The following ZNF217 variants were observed in gnomAD, a reference collection of about 807,000 sequenced individuals.
ZNF217 encodes zinc finger protein 217.
In ZNF217, 12 loss-of-function variants were observed where a neutral mutation model predicts 73.3. The ratio of observed to expected loss-of-function variants is 0.16; its 90% CI spans 0.10 to 0.27. The LOEUF (loss-of-function observed/expected upper bound fraction) is 0.27. Ranked by LOEUF, ZNF217 falls within the 10% of genes least tolerant of loss-of-function variation. The pLI is 1.00. For missense variants in ZNF217, 1,195 were observed against 1,327.8 expected, an observed-to-expected ratio of 0.90 and a Z score of 1.55; for synonymous variants, 588 against 516.4, an observed-to-expected ratio of 1.14 and a Z score of -1.88.
chr20:53,590,870 T>C (rs1011530431), intron 1 of ZNF217, among the ~76,000 whole-genome samples: 1 of 152,190 alleles, frequency 6.6e-6, no homozygotes, highest in African/African-American at 2.4e-5. Flanking sequence ...GATGATTAAG[T>C]CTTATTTTCA....
chr20:53,588,122 T>C (rs1248704581), intron 1 of ZNF217, among the ~76,000 whole-genome samples: 2 of 152,184 alleles, frequency 1.3e-5, no homozygotes, highest in South Asian at 4.1e-4. Flanking sequence ...GTTCATAAAT[T>C]ACCAATTTTA....
upstream of ZNF217, chr20:53,597,650 G>C (rs1020361256): frequency 4.6e-5 from 7 of 151,120 alleles, no homozygotes; most frequent in African/African-American, 1.7e-4. Flanking sequence ...GAGAAGGCAG[G>C]GTCTGGAACC....
chr20:53,577,869 T>C (rs1389398250), intron 3 of ZNF217, among the ~76,000 whole-genome samples: 3 of 152,164 alleles, frequency 2.0e-5, no homozygotes, highest in Non-Finnish European at 4.4e-5. Context: ...GCCAACACTA[T>C]GGGAGGCCAA....
In ZNF217 at chr20:53,569,131, G is replaced by A; in HGVS notation, c.*157C>T. 7.5e-7 allele frequency: 1 copy of A among 1,335,874 alleles called. No homozygotes were observed. 82.8% of individuals were successfully genotyped at this position (1,335,874 alleles called of 1,614,324 possible). A position where few individuals can be genotyped will look rare whatever the true frequency, so the allele number is the denominator to read the frequency against. On this transcript the variant is annotated 3_prime_UTR_variant, in exon 6 of 6. Coordinates refer to ENST00000371471, the MANE Select transcript of ZNF217 (RefSeq NM_006526.3). Reference sequence around the variant, plus strand: ...CAGAACAACTTTACACAACTGTAGTGTTCCTTGCAGATTCCTCATATGTTT... The same window carrying A: ...CAGAACAACTTTACACAACTGTAGTATTCCTTGCAGATTCCTCATATGTTT...
Position 53,575,640 on chromosome 20 carries a change from G to A in ZNF217, c.3037+87C>T, listed in dbSNP as rs562792754. ...CTGGCTGCCTACCCCCCACCCTTGG[G>A]AGTGGTACCATCTCCACTGAGAATG... is the stretch of plus-strand genomic sequence containing the variant. On this transcript the variant is annotated intron_variant, in intron 4 of 5. Coordinates refer to ENST00000371471, the MANE Select transcript of ZNF217 (RefSeq NM_006526.3). The A allele has an allele frequency of 2.2e-4, 285 of 1,301,954 alleles. 2 individuals are homozygous for A. The African/African-American group carries it at 3.1e-3, about 14-fold the overall frequency. 80.7% of individuals were successfully genotyped at this position (1,301,954 alleles called of 1,614,324 possible).
At position 53,582,048 on chromosome 20, in the gene ZNF217, G is replaced by A. The variant is rs1222767441; in HGVS notation, c.779C>T (p.Ser260Phe). ...CAACTGCAGGAAGTCCTCCCTCGAG[G>A]ACGGCATTCCTCCTTGTGGAGAGTC... ...QTDSPQGGMP[S>F]SREDFLQLFN... Residue 260 changes from serine (S) to phenylalanine (F), a missense_variant, in exon 2 of 6, where the codon TCC (serine) becomes TTC (phenylalanine). Ser to Phe is a radical substitution (Grantham distance 155). Coordinates refer to ENST00000371471, the MANE Select transcript of ZNF217 (RefSeq NM_006526.3). The surrounding 1 kb of genome is among the most constrained non-coding windows in gnomAD (Gnocchi z 4.8). 5 of 1,614,100 alleles carry A rather than the reference G, an allele frequency of 3.1e-6. No individual in the cohort carries two copies. The highest frequency in any genetic ancestry group is 4.2e-6 in the Non-Finnish European group (5 of 1,180,056).
chr20:53,571,598 G>A, intron 5 of ZNF217, 123 bp downstream of exon 5: 1 of 1,225,402 alleles, frequency 8.2e-7, no homozygotes, highest in Non-Finnish European at 1.1e-6. Flanking sequence ...TACAGACAGG[G>A]GTTTCACCAT....
chr20:53,594,249 A>G (rs1600734903), upstream of ZNF217, among the ~76,000 whole-genome samples: 4 of 151,058 alleles, frequency 2.6e-5, no homozygotes, highest in East Asian at 5.9e-4. Flanking sequence ...GCGCTGGGGG[A>G]CTGTTGGGTC....
intron 4 of ZNF217, among the ~76,000 whole-genome samples, chr20:53,572,208 C>T (rs1462180795): frequency 6.6e-6 from 1 of 152,010 alleles, no homozygotes; most frequent in Non-Finnish European, 1.5e-5. Context: ...AGGGGATTTG[C>T]CAGCATAGGC....
Position 53,576,751 on chromosome 20 carries a change from T to C in ZNF217, c.2013A>G (p.Ala671=). The stretch of plus-strand genomic sequence containing the variant: ...CACTTGGCCTGTATCTGCAGTCAGC[T>C]GCGGTCTCCGTTTGCTTCTCTTTGG... The part of the protein sequence containing the change: ...VSPKEKQTET[A]ADCRYRPSVD... Residue 671 remains alanine (A), a synonymous_variant, in exon 4 of 6, where the codon GCA becomes GCG. Coordinates refer to ENST00000371471, the MANE Select transcript of ZNF217 (RefSeq NM_006526.3). The C allele has an allele frequency of 6.2e-7, 1 of 1,614,260 alleles. No individual in the cohort carries two copies. The highest frequency in any genetic ancestry group is 8.5e-7 in the Non-Finnish European group (1 of 1,180,038).
intron 1 of ZNF217, among the ~76,000 whole-genome samples, chr20:53,589,809 G>A (rs956907007): frequency 4.6e-5 from 7 of 152,014 alleles, no homozygotes; most frequent in Non-Finnish European, 1.0e-4. Flanking sequence ...TCAATAATCA[G>A]GCTTCCTTCA....
chr20:53,582,941 A>T lies in ZNF217; in HGVS notation c.-115T>A, dbSNP rs1242029461. On this transcript the variant is annotated 5_prime_UTR_variant, in exon 2 of 6. Transcript: ENST00000371471. This position sits in a 1 kb window ranked among gnomAD's most constrained non-coding sequence, Gnocchi z 4.8. The stretch of plus-strand genomic sequence containing the variant: ...CCAAAAACCAGAGCAAATATTTATT[A>T]TAAAAGTTCAAAAGAAAGTGTATAG... 8.7e-7 allele frequency: 1 copy of T among 1,153,852 alleles called. No individual in the cohort carries two copies. The highest frequency in any genetic ancestry group is 1.6e-5 in the African/African-American group (1 of 64,482). 71.5% of individuals were successfully genotyped at this position (1,153,852 alleles called of 1,614,324 possible). A position where few individuals can be genotyped will look rare whatever the true frequency, so the allele number is the denominator to read the frequency against.
rs1988974925 is a variant in ZNF217, at chr20:53,593,815, C to G, written c.-402G>C. ...GGCGGCGGCCGGGACTGAGCTGACA[C>G]CACTCGGGCCGGCCGGGTTTGAATG... is the stretch of plus-strand genomic sequence containing the variant. On this transcript the variant is annotated 5_prime_UTR_variant, in exon 1 of 6. Coordinates refer to ENST00000371471, the MANE Select transcript of ZNF217 (RefSeq NM_006526.3). The G allele has an allele frequency of 6.7e-6, 1 of 149,308 alleles. No homozygotes were observed. Among genetic ancestry groups the G allele is most frequent in the Non-Finnish European group, 1.5e-5 (1 of 66,890 alleles). The allele number at this position is 149,308 out of a possible 1,614,324, so 9.2% of individuals were successfully genotyped here.
intron 1 of ZNF217, among the ~76,000 whole-genome samples, chr20:53,584,700 C>A (rs892894929): frequency 6.6e-5 from 10 of 152,214 alleles, no homozygotes; most frequent in Non-Finnish European, 2.9e-5. Context: ...ATGGCCTTTA[C>A]AGTTCCAATA....
intron 1 of ZNF217, among the ~76,000 whole-genome samples, chr20:53,589,240 T>G (rs1183367917): frequency 6.6e-6 from 1 of 152,230 alleles, no homozygotes; most frequent in Non-Finnish European, 1.5e-5. Context: ...AAACAAGTTT[T>G]GTAAAGCTTA....
chr20:53,591,348 A>G (rs927212353), intron 1 of ZNF217, among the ~76,000 whole-genome samples: 1 of 152,360 alleles, frequency 6.6e-6, no homozygotes. Flanking sequence ...CTTGTCCTCT[A>G]CTTCCTCCTT....
In ZNF217 at chr20:53,567,152, T is replaced by A. The variant is rs1296156962; in HGVS notation, c.*2136A>T. The A allele has an allele frequency of 1.3e-5, 2 of 152,476 alleles. No homozygotes were observed. Among genetic ancestry groups the A allele is most frequent in the Non-Finnish European group, 2.9e-5 (2 of 67,998 alleles). The allele number at this position is 152,476 out of a possible 1,614,324, so 9.4% of individuals were successfully genotyped here. ...TGAAATATATCATAAATAAAACAAGTAATGTCTACTGTTCGACAACTTAAG... is the reference window on the plus strand; with the variant it reads ...TGAAATATATCATAAATAAAACAAGAAATGTCTACTGTTCGACAACTTAAG... On this transcript the variant is annotated 3_prime_UTR_variant, in exon 6 of 6. Transcript: ENST00000371471.
At position 53,581,373 on chromosome 20, in the gene ZNF217, G is replaced by C; in HGVS notation, c.1366+88C>G. On this transcript the variant is annotated intron_variant, in intron 2 of 5. Coordinates refer to ENST00000371471, the MANE Select transcript of ZNF217 (RefSeq NM_006526.3). This position sits in a 1 kb window ranked among gnomAD's most constrained non-coding sequence, Gnocchi z 4.9. ...TCTCCAAACCCCATTCCTGGCCAGC[G>C]TTGTCTGGAGATGGGAATAGAGAGG... 1 of 1,498,448 alleles carries C rather than the reference G, an allele frequency of 6.7e-7. No individual in the cohort carries two copies. The highest frequency in any genetic ancestry group is 8.9e-7 in the Non-Finnish European group (1 of 1,126,472). The allele number at this position is 1,498,448 out of a possible 1,614,324, so 92.8% of individuals were successfully genotyped here.
At position 53,581,795 on chromosome 20, in the gene ZNF217, G is replaced by A; in HGVS notation, c.1032C>T (p.Leu344=). The change falls in exon 2 of 6, where the codon CTC becomes CTT. Residue 344 remains leucine, a synonymous_variant. Transcript: ENST00000371471. The surrounding 1 kb of genome is among the most constrained non-coding windows in gnomAD (Gnocchi z 4.9). The part of the protein sequence containing the change: ...GETNKGSCAG[L]SQEKEKCKHS... ...GTTTGCACTTCTCTTTCTCTTGCGA[G>A]AGGCCTGCACAACTGCCCTTATTTG... 3.7e-6 allele frequency: 6 copies of A among 1,614,232 alleles called. No individual in the cohort carries two copies. The highest frequency in any genetic ancestry group is 5.1e-6 in the Non-Finnish European group (6 of 1,180,042).
Sources: allele counts gnomAD v4.1 joint callset (sites outside exome capture counted in the v4.1 genomes callset), GRCh38; gene constraint gnomAD v4.1.1; non-coding constraint Gnocchi (gnomAD v3.1); transcripts MANE v1.5; gene names NCBI Gene and HGNC (gene_info 2026-07-23, HGNC 2026-07-21).